Variants in CACNA1C observed in about 807,000 individuals in gnomAD.
CACNA1C encodes the protein voltage-dependent L-type calcium channel subunit alpha-1C.
A neutral mutation model predicts 229.0 loss-of-function variants in CACNA1C; 30 were observed. The ratio of observed to expected loss-of-function variants is 0.13; its 90% confidence interval spans 0.10 to 0.18. The LOEUF (loss-of-function observed/expected upper bound fraction) is 0.18, where lower values mean the gene tolerates loss of function less well. Ranked by LOEUF, CACNA1C falls within the 10% of genes least tolerant of loss-of-function variation. The pLI is 1.00. For missense variants in CACNA1C, 1,658 were observed against 2,845.0 expected, an observed-to-expected ratio of 0.58 and a Z score of 9.49; for synonymous variants, 1,114 against 1,132.5, an observed-to-expected ratio of 0.98 and a Z score of 0.33.
At chr12:2,600,449 G>A (rs936469968) in intron 21 of CACNA1C, among the ~76,000 whole-genome samples, 2 of 152,226 alleles carry the variant, frequency 1.3e-5, no homozygotes, top group Non-Finnish European at 2.9e-5. Context: ...CCCTGGGCAT[G>A]CTCTGATTCC....
At chr12:2,012,906 A>T (rs761430165) in intron 1 of CACNA1C, among the ~76,000 whole-genome samples, 4 of 152,212 alleles carry the variant, frequency 2.6e-5, no homozygotes, top group Non-Finnish European at 4.4e-5. Flanking sequence ...GTGTCATTTA[A>T]ATCACTGTTA....
intron 3 of CACNA1C, among the ~76,000 whole-genome samples, chr12:2,359,520 G>A (rs561809070): frequency 2.0e-5 from 3 of 151,144 alleles, no homozygotes; most frequent in South Asian, 2.1e-4. Context: ...AATAGCCTTC[G>A]AATCCTTTTG....
rs1446288058 is a variant in CACNA1C at position 2,654,705 on chromosome 12, A to G, written c.4141-442A>G. On this transcript the variant is annotated intron_variant, in intron 33 of 46. Coordinates refer to ENST00000399655, the MANE Select transcript of CACNA1C (RefSeq NM_000719.7). The surrounding 1 kb of genome is among the most constrained non-coding windows in gnomAD (Gnocchi z 4.4). ...CTTTAAAAGACCAGGAAGAAAAGGG[A>G]TTTCAGGAATGCATTAAGCTTGCCC... 1.3e-5 allele frequency among the ~76,000 whole-genome samples: 2 copies of G among 152,234 alleles called. No individual in the cohort carries two copies. Among genetic ancestry groups the G allele is most frequent in the Non-Finnish European group, 2.9e-5 (2 of 68,036 alleles).
At chr12:2,165,848 A>G (rs914141553) in intron 3 of CACNA1C, among the ~76,000 whole-genome samples, 2 of 152,224 alleles carry the variant, frequency 1.3e-5, no homozygotes, top group African/African-American at 2.4e-5. Flanking sequence ...CAGATCTCCC[A>G]TGTCTTGACA....
chr12:2,556,804 C>T, intron 10 of CACNA1C, 147 bp from the exon 11 acceptor site: 1 of 724,530 alleles, frequency 1.4e-6, no homozygotes, highest in Non-Finnish European at 2.6e-6. Context: ...TTCTTTCTCT[C>T]CCAAGATGTT....
intron 3 of CACNA1C, among the ~76,000 whole-genome samples, chr12:2,332,355 A>G (rs1484652909): frequency 1.3e-5 from 2 of 152,222 alleles, no homozygotes; most frequent in East Asian, 3.8e-4. Flanking sequence ...ATTTCAAAAT[A>G]AAAAGATAAA....
At chr12:2,463,928 A>G (rs2099532955) in intron 5 of CACNA1C, among the ~76,000 whole-genome samples, 1 of 152,240 alleles carries the variant, frequency 6.6e-6, no homozygotes, top group Admixed American at 6.5e-5. Flanking sequence ...TGGAGGAATC[A>G]ACGTTATACA....
intron 3 of CACNA1C, among the ~76,000 whole-genome samples, chr12:2,196,383 G>A (rs775228914): frequency 2.6e-5 from 4 of 152,322 alleles, no homozygotes; most frequent in Non-Finnish European, 5.9e-5. Flanking sequence ...CCCAGCTTAG[G>A]TGTTGTGAAA....
rs35920419 is a variant in CACNA1C at position 2,687,538 on chromosome 12, CTT to C, written c.5785-892_5785-891del. Among the ~76,000 whole-genome samples, 70 of 138,084 alleles carry C rather than the reference CTT, an allele frequency of 5.1e-4. 1 individual carries two copies. Among genetic ancestry groups the C allele is most frequent in the Middle Eastern group, 7.6e-3 (2 of 264 alleles). 90.6% of individuals were successfully genotyped at this position (138,084 alleles called of 152,430 possible). A position where few individuals can be genotyped will look rare whatever the true frequency, so the allele number is the denominator to read the frequency against. ...CAGGGACAGAGGGCGTACCGTGTGA[CTT>C]TTTTTTTTTTTTTTTTGAGACAGAG... On this transcript the variant is annotated intron_variant, in intron 45 of 46. Transcript: ENST00000399655.
intron 1 of CACNA1C, among the ~76,000 whole-genome samples, chr12:2,057,845 T>G (rs1286320722): frequency 3.3e-5 from 5 of 152,176 alleles, no homozygotes; most frequent in African/African-American, 1.2e-4. Context: ...CAGTGGAGCA[T>G]GGGGTGACCT....
chr12:2,437,538 G>A (rs192416504), intron 3 of CACNA1C, among the ~76,000 whole-genome samples: 141 of 152,340 alleles, frequency 9.3e-4, no homozygotes, highest in African/African-American at 3.3e-3. Flanking sequence ...CTCTATATTG[G>A]AGATAGTTTT....
intron 3 of CACNA1C, among the ~76,000 whole-genome samples, chr12:2,286,253 G>A (rs955208421): frequency 1.3e-5 from 2 of 152,246 alleles, no homozygotes; most frequent in Non-Finnish European, 2.9e-5. Flanking sequence ...GCTGAGGCCT[G>A]GGAAACAGGT....
chr12:2,280,058 G>C (rs542272349), intron 3 of CACNA1C, among the ~76,000 whole-genome samples: 1 of 152,304 alleles, frequency 6.6e-6, no homozygotes, highest in East Asian at 1.9e-4. Context: ...AGATAGATGG[G>C]TCTTGCTCTT....
intron 3 of CACNA1C, among the ~76,000 whole-genome samples, chr12:2,404,620 G>T (rs2098715369): frequency 6.6e-6 from 1 of 152,166 alleles, no homozygotes; most frequent in African/African-American, 2.4e-5. Flanking sequence ...TGCCCAGGCA[G>T]AAAGCGGCCA....
At chr12:2,624,954 C>T (rs956371804) in intron 29 of CACNA1C, among the ~76,000 whole-genome samples, 2 of 152,204 alleles carry the variant, frequency 1.3e-5, no homozygotes, top group South Asian at 4.1e-4. Context: ...GCACAGAATT[C>T]AGAGGCCAAA....
intron 1 of CACNA1C, among the ~76,000 whole-genome samples, chr12:2,043,642 CTTTTTTTTT>C (rs67625680): frequency 2.2e-5 from 2 of 91,382 alleles, no homozygotes; most frequent in South Asian, 3.9e-4. Context: ...ACAGAATATT[CTTTTTTTTT>C]TTTTTTTTTT....
chr12:2,278,335 C>T (rs2089736023), intron 3 of CACNA1C, among the ~76,000 whole-genome samples: 1 of 152,164 alleles, frequency 6.6e-6, no homozygotes, highest in African/African-American at 2.4e-5. Context: ...CAACATTGAC[C>T]ATCAGTGCAA....
intron 3 of CACNA1C, among the ~76,000 whole-genome samples, chr12:2,191,225 C>T (rs142069303): frequency 2.0e-5 from 3 of 152,182 alleles, no homozygotes; most frequent in Non-Finnish European, 2.9e-5. Flanking sequence ...AGAGCAGCAA[C>T]CCAAGCAAGG....
chr12:2,001,674 G>T (rs990511466), intron 1 of CACNA1C, among the ~76,000 whole-genome samples: 2 of 152,154 alleles, frequency 1.3e-5, no homozygotes, highest in African/African-American at 2.4e-5. Context: ...AAATGCCTGG[G>T]TCTCATTATC....
Sources: gnomAD v4.1 joint callset for allele counts (sites outside exome capture counted in the v4.1 genomes callset) on GRCh38, gnomAD v4.1.1 for gene constraint, Gnocchi (gnomAD v3.1) non-coding constraint, MANE v1.5 for transcripts, NCBI Gene and HGNC (gene_info 2026-07-23, HGNC 2026-07-21) for gene names.